The following GRIA4 variants were observed in gnomAD, a reference collection of about 807,000 sequenced individuals.
The protein encoded by GRIA4 is glutamate receptor 4.
A neutral mutation model predicts 104.0 loss-of-function variants in GRIA4; 34 were observed. The ratio of observed to expected loss-of-function variants is 0.33; its 90% CI spans 0.25 to 0.44. The LOEUF is 0.44. Among genes scored for constraint, GRIA4 ranks in the 20% least tolerant of loss-of-function variants. The pLI, the probability that GRIA4 is intolerant of heterozygous loss-of-function variation, is 1.00. For missense variants in GRIA4, 750 were observed against 1,096.5 expected (o/e 0.68, Z 4.46); for synonymous variants, 386 against 381.9 (o/e 1.01, Z -0.13).
intron 14 of GRIA4, among the ~76,000 whole-genome samples, chr11:105,944,217 C>T (rs906878050): frequency 6.6e-6 from 1 of 152,250 alleles, no homozygotes; most frequent in African/African-American, 2.4e-5. Flanking sequence ...ATGATTACAA[C>T]ATCCCTCATT....
At chr11:105,765,782 G>A (rs1346414299) in intron 4 of GRIA4, among the ~76,000 whole-genome samples, 2 of 152,086 alleles carry the variant, frequency 1.3e-5, no homozygotes, top group Non-Finnish European at 2.9e-5. Flanking sequence ...CTGAGCAGTT[G>A]CAACAGGCAC....
chr11:105,765,583 A>G (rs1038022705), intron 4 of GRIA4, among the ~76,000 whole-genome samples: 3 of 152,232 alleles, frequency 2.0e-5, no homozygotes, highest in Non-Finnish European at 4.4e-5. Flanking sequence ...CTAGTTTATC[A>G]GTAAACTTCA....
chr11:105,722,834 T>A (rs1937921885), intron 3 of GRIA4, among the ~76,000 whole-genome samples: 1 of 152,124 alleles, frequency 6.6e-6, no homozygotes, highest in Admixed American at 6.6e-5. Context: ...TAAGATTTAA[T>A]CTCTTCCACC....
At chr11:105,717,698 CTTTT>C (rs1472398156) in intron 3 of GRIA4, among the ~76,000 whole-genome samples, 1 of 151,534 alleles carries the variant, frequency 6.6e-6, no homozygotes, top group African/African-American at 2.4e-5. Context: ...TTTGTTCTCT[CTTTT>C]TTCTTTTTTT....
rs1284049758 is a variant in GRIA4, at chr11:105,906,434, TAGGATGAAATGGA to T, written c.1158+1137_1158+1149del. 3.3e-5 allele frequency among the ~76,000 whole-genome samples: 5 copies of T among 151,986 alleles called. No homozygotes were observed. In the East Asian group the frequency reaches 9.7e-4, roughly 29 times the overall value. ...AATTGCCAGGATGTTAGAGTTTGGA[TAGGATGAAATGGA>T]AGGGGCAACAACCGAAGAAAGGCTT... On this transcript the variant is annotated intron_variant, in intron 9 of 16. Transcript: ENST00000282499.
At chr11:105,943,660 A>G (rs1017162959) in intron 14 of GRIA4, among the ~76,000 whole-genome samples, 4 of 152,098 alleles carry the variant, frequency 2.6e-5, no homozygotes, top group African/African-American at 9.7e-5. Context: ...CTGTAATTTT[A>G]CCCAATCCAG....
intron 14 of GRIA4, among the ~76,000 whole-genome samples, chr11:105,950,621 T>C (rs573641691): frequency 2.6e-5 from 4 of 152,306 alleles, no homozygotes; most frequent in African/African-American, 9.6e-5. Flanking sequence ...CATATAGATA[T>C]TGGTAATGCT....
chr11:105,880,860 T>C (rs1292963224), intron 5 of GRIA4, among the ~76,000 whole-genome samples: 1 of 152,184 alleles, frequency 6.6e-6, no homozygotes, highest in Non-Finnish European at 1.5e-5. Context: ...AATATAAATA[T>C]AGAATGATAC....
chr11:105,854,390 C>T (rs1944934831), intron 4 of GRIA4, among the ~76,000 whole-genome samples: 1 of 152,108 alleles, frequency 6.6e-6, no homozygotes, highest in South Asian at 2.1e-4. Context: ...AAGCCTGAGC[C>T]AGAGCACCCC....
intron 4 of GRIA4, among the ~76,000 whole-genome samples, chr11:105,854,900 G>A (rs1484906591): frequency 6.6e-6 from 1 of 152,168 alleles, no homozygotes; most frequent in Admixed American, 6.5e-5. Context: ...ATGCTTTGAT[G>A]TAAGTCACAT....
intron 11 of GRIA4, 52 bp downstream of exon 11, chr11:105,918,970 T>C: frequency 9.2e-7 from 1 of 1,081,822 alleles, no homozygotes; most frequent in Non-Finnish European, 1.4e-6. Context: ...TGAAACTTCT[T>C]TTCCCTTGGG....
At chr11:105,759,088 C>T (rs1363097389) in intron 4 of GRIA4, among the ~76,000 whole-genome samples, 2 of 152,048 alleles carry the variant, frequency 1.3e-5, no homozygotes, top group Non-Finnish European at 2.9e-5. Context: ...ATCAAATCTA[C>T]TGGGTCACTT....
chr11:105,780,624 T>A (rs1275260290), intron 4 of GRIA4, among the ~76,000 whole-genome samples: 2 of 152,102 alleles, frequency 1.3e-5, no homozygotes, highest in African/African-American at 4.8e-5. Context: ...AAGAAAAAAA[T>A]TATTATTGCT....
At position 105,866,533 on chromosome 11, in the gene GRIA4, A is replaced by ATG. The variant is rs1491138856; in HGVS notation, c.672+4326_672+4327insGT. 3.0e-3 allele frequency among the ~76,000 whole-genome samples: 174 copies of ATG among 57,574 alleles called. 1 individual carries two copies. Among genetic ancestry groups the ATG allele is most frequent in the East Asian group, 7.9e-3 (22 of 2,776 alleles). 37.8% of individuals were successfully genotyped at this position (57,574 alleles called of 152,430 possible). On this transcript the variant is annotated intron_variant, in intron 5 of 16. Coordinates refer to ENST00000282499, the MANE Select transcript of GRIA4 (RefSeq NM_000829.4). The stretch of plus-strand genomic sequence containing the variant: ...TATATACACACATACATATATACGC[A>ATG]TATGTGTGTGTGTGTGTGTATATAT...
chr11:105,819,958 G>A (rs970151157), intron 4 of GRIA4, among the ~76,000 whole-genome samples: 2 of 152,128 alleles, frequency 1.3e-5, no homozygotes, highest in African/African-American at 4.8e-5. Flanking sequence ...TGTGAAGATG[G>A]AGATACACAG....
chr11:105,775,831 C>T (rs558640242), intron 4 of GRIA4, among the ~76,000 whole-genome samples: 4 of 151,904 alleles, frequency 2.6e-5, no homozygotes, highest in East Asian at 3.9e-4. Context: ...AATAAGTCCC[C>T]TCAAATATCA....
intron 3 of GRIA4, among the ~76,000 whole-genome samples, chr11:105,712,717 G>GTT: frequency 6.6e-6 from 1 of 151,170 alleles, no homozygotes; most frequent in African/African-American, 2.4e-5. Flanking sequence ...CTTTGTTTTT[G>GTT]TTTTTTTTAA....
chr11:105,770,837 C>T (rs1941174856), intron 4 of GRIA4, among the ~76,000 whole-genome samples: 1 of 152,040 alleles, frequency 6.6e-6, no homozygotes, highest in Non-Finnish European at 1.5e-5. Context: ...ATAAGCCCTT[C>T]AGTGTTCTAA....
At chr11:105,684,187 T>G (rs779017455) in intron 3 of GRIA4, among the ~76,000 whole-genome samples, 2 of 152,006 alleles carry the variant, frequency 1.3e-5, no homozygotes, top group Non-Finnish European at 2.9e-5. Flanking sequence ...TGCATATTCT[T>G]AAATTGAGGG....
Sources: allele counts gnomAD v4.1 joint callset (sites outside exome capture counted in the v4.1 genomes callset), GRCh38; gene constraint gnomAD v4.1.1; transcripts MANE v1.5; gene names NCBI Gene and HGNC (gene_info 2026-07-23, HGNC 2026-07-21).